PPP2R2B: variants seen among roughly 807,000 people sequenced by gnomAD.
The protein encoded by PPP2R2B is protein phosphatase 2 regulatory subunit Bbeta.
In PPP2R2B, 5 loss-of-function variants were observed where a neutral mutation model predicts 46.0. That is an observed-to-expected ratio of 0.11 (90% CI 0.06 to 0.23). The LOEUF is 0.23. PPP2R2B is among the 10% of genes least tolerant of loss of function. PPP2R2B has a pLI of 1.00. For synonymous variants in PPP2R2B, 215 were observed against 206.7 expected (o/e 1.04, Z -0.34); for missense variants, 367 against 575.0 (o/e 0.64, Z 3.70).
intron 1 of PPP2R2B, among the ~76,000 whole-genome samples, chr5:146,949,811 T>C (rs766029577): frequency 3.3e-5 from 5 of 151,960 alleles, no homozygotes; most frequent in South Asian, 2.1e-4. Context: ...CTATACACAA[T>C]AAAATACTAT....
intron 1 of PPP2R2B, among the ~76,000 whole-genome samples, chr5:146,906,925 C>G (rs1763018537): frequency 6.6e-6 from 1 of 152,098 alleles, no homozygotes; most frequent in Non-Finnish European, 1.5e-5. Flanking sequence ...TTTAAAGAGA[C>G]AATCTACTTC....
chr5:146,979,201 A>G (rs1219284766), intron 1 of PPP2R2B, among the ~76,000 whole-genome samples: 1 of 152,078 alleles, frequency 6.6e-6, no homozygotes, highest in African/African-American at 2.4e-5. Flanking sequence ...AGTTAACTGC[A>G]TGGCTTGCTT....
At chr5:146,812,614 T>TTATATA (rs539834095) in intron 2 of PPP2R2B, among the ~76,000 whole-genome samples, 2 of 14,756 alleles carry the variant, frequency 1.4e-4, no homozygotes, top group African/African-American at 4.8e-4. Flanking sequence ...TAGAGTTACT[T>TTATATA]TATATATATA....
upstream of PPP2R2B, among the ~76,000 whole-genome samples, chr5:147,059,520 G>A (rs955188121): frequency 3.3e-5 from 5 of 152,104 alleles, no homozygotes; most frequent in Non-Finnish European, 5.9e-5. Flanking sequence ...AATGGCAGAG[G>A]TTTCTGGAGG....
At chr5:146,808,982 T>G (rs959958005) in intron 2 of PPP2R2B, among the ~76,000 whole-genome samples, 2 of 150,444 alleles carry the variant, frequency 1.3e-5, no homozygotes, top group Non-Finnish European at 2.9e-5. Flanking sequence ...TGTGTGTGTG[T>G]GTGTGTGTGT....
chr5:146,979,733 T>C (rs920378750), intron 1 of PPP2R2B, among the ~76,000 whole-genome samples: 1 of 152,134 alleles, frequency 6.6e-6, no homozygotes, highest in African/African-American at 2.4e-5. Flanking sequence ...AATGATAAAG[T>C]TTAATTTACA....
At chr5:146,810,108 G>C (rs1213939008) in intron 2 of PPP2R2B, among the ~76,000 whole-genome samples, 1 of 152,172 alleles carries the variant, frequency 6.6e-6, no homozygotes, top group Non-Finnish European at 1.5e-5. Context: ...TTGCAAGCCT[G>C]ACAATTAGCC....
At chr5:146,707,701 G>A in intron 2 of PPP2R2B, 1 of 509,550 alleles carries the variant, frequency 2.0e-6, no homozygotes, top group Non-Finnish European at 3.5e-6. Flanking sequence ...AACAGGTAAA[G>A]CAATATGTAC....
intron 2 of PPP2R2B, among the ~76,000 whole-genome samples, chr5:146,703,573 G>A (rs10477307): frequency 0.24 from 36,142 of 152,054 alleles, 5,504 homozygotes; most frequent in African/African-American, 0.44. Context: ...GCTTTTCCCA[G>A]TGTGAGCTCT....
chr5:146,678,948 C>T lies in PPP2R2B; in HGVS notation c.447+12180G>A, dbSNP rs1216344764. Reference sequence around the variant, plus strand: ...GCTCATGGGTAGGAAGAATCAATATCGTGAAAATGGCCATACTGCCCAAGG... The same window carrying T: ...GCTCATGGGTAGGAAGAATCAATATTGTGAAAATGGCCATACTGCCCAAGG... On this transcript the variant is annotated intron_variant, in intron 5 of 9. Transcript: ENST00000394411. Among the ~76,000 whole-genome samples, 4 of 77,558 alleles carry T rather than the reference C, an allele frequency of 5.2e-5. No individual in the cohort carries two copies. In the East Asian group the frequency reaches 1.5e-3, roughly 29 times the overall value. The allele number at this position is 77,558 out of a possible 152,430, so 50.9% of individuals were successfully genotyped here.
chr5:146,848,580 C>A lies in PPP2R2B; in HGVS notation c.70+29422G>T, dbSNP rs552447625. 3.9e-5 allele frequency among the ~76,000 whole-genome samples: 6 copies of A among 152,216 alleles called. No homozygotes were observed. The South Asian group carries it at 1.3e-3, about 32-fold the overall frequency. The stretch of plus-strand genomic sequence containing the variant: ...GATTGAAGACCACAGAGATAAAGTG[C>A]CATTTCCATCCTATCACATCAATCA... On this transcript the variant is annotated intron_variant, in intron 2 of 9. Transcript: ENST00000394411.
intron 2 of PPP2R2B, among the ~76,000 whole-genome samples, chr5:146,867,532 T>C (rs1454412332): frequency 7.2e-5 from 11 of 152,170 alleles, no homozygotes; most frequent in African/African-American, 2.4e-5. Context: ...AATAGTAACA[T>C]GTTGCCTCAT....
chr5:146,829,186 A>C (rs1243712763), intron 2 of PPP2R2B, among the ~76,000 whole-genome samples: 3 of 152,230 alleles, frequency 2.0e-5, no homozygotes, highest in Non-Finnish European at 2.9e-5. Flanking sequence ...CATTACATTA[A>C]TGAATGATTC....
At chr5:147,064,384 C>G (rs934968809) in intron 2 of PPP2R2B, among the ~76,000 whole-genome samples, 11 of 152,164 alleles carry the variant, frequency 7.2e-5, no homozygotes, top group Non-Finnish European at 1.2e-4. Context: ...GCCAGTAGCA[C>G]ACTTCCCATC....
At chr5:147,012,204 G>C (rs980846967) in intron 1 of PPP2R2B, among the ~76,000 whole-genome samples, 7 of 151,874 alleles carry the variant, frequency 4.6e-5, no homozygotes, top group African/African-American at 1.5e-4. Context: ...AATTCATCTG[G>C]TCCTGGACTC....
chr5:146,736,757 C>A (rs1406451002), intron 2 of PPP2R2B, among the ~76,000 whole-genome samples: 1 of 152,158 alleles, frequency 6.6e-6, no homozygotes, highest in Non-Finnish European at 1.5e-5. Context: ...ACCATGAGGG[C>A]ACAAAAGCAG....
At chr5:147,079,498 TA>T (rs1259166728) in intron 2 of PPP2R2B, among the ~76,000 whole-genome samples, 1 of 143,960 alleles carries the variant, frequency 6.9e-6, no homozygotes, top group African/African-American at 2.6e-5. Context: ...TACTCAGCCA[TA>T]AAAAAGAATA....
intron 2 of PPP2R2B, among the ~76,000 whole-genome samples, chr5:146,792,567 C>A (rs1399067442): frequency 6.6e-6 from 1 of 152,072 alleles, no homozygotes; most frequent in African/African-American, 2.4e-5. Flanking sequence ...TATGGGAAAG[C>A]AGAATAGGTT....
intron 1 of PPP2R2B, among the ~76,000 whole-genome samples, chr5:146,972,927 A>G (rs981002709): frequency 2.6e-5 from 4 of 152,144 alleles, no homozygotes; most frequent in African/African-American, 9.7e-5. Context: ...ACTTTCACCC[A>G]GCTTACCATT....
Sources: allele counts gnomAD v4.1 joint callset (sites outside exome capture counted in the v4.1 genomes callset), GRCh38; gene constraint gnomAD v4.1.1; transcripts MANE v1.5; gene names NCBI Gene and HGNC (gene_info 2026-07-23, HGNC 2026-07-21).